The following WNT3A variants were observed in gnomAD, a reference collection of about 807,000 sequenced individuals.
WNT3A encodes the protein Wnt family member 3A, also known as protein Wnt-3a.
A neutral mutation model predicts 37.0 loss-of-function variants in WNT3A; 17 were observed. That is an observed-to-expected ratio of 0.46 (90% CI 0.31 to 0.69). WNT3A has a LOEUF of 0.69. WNT3A is among the 30% of genes least tolerant of loss of function. The pLI, the probability that WNT3A is intolerant of heterozygous loss-of-function variation, is 0.05. For missense variants in WNT3A, 411 were observed against 510.2 expected (o/e 0.81, Z 1.87); for synonymous variants, 187 against 211.0 (o/e 0.89, Z 0.99).
At chr1:228,054,399 CGGATCGT>C (rs2031622391) in intron 3 of WNT3A, among the ~76,000 whole-genome samples, 1 of 150,388 alleles carries the variant, frequency 6.6e-6, no homozygotes, top group African/African-American at 2.4e-5. Flanking sequence ...CCGAGGTGGG[CGGATCGT>C]GAGGTCAGGA....
chr1:228,059,707 G>A lies in WNT3A; in HGVS notation c.*242G>A. ...TGAATGAGGCGGAGCTCCAGGATGG[G>A]GAGGGGCTCTGCGTTGGCTTCTCCC... On this transcript the variant is annotated 3_prime_UTR_variant, in exon 4 of 4. Transcript: ENST00000284523. 3.0e-6 allele frequency: 4 copies of A among 1,335,274 alleles called. No individual in the cohort carries two copies. Among genetic ancestry groups the A allele is most frequent in the Non-Finnish European group, 3.8e-6 (4 of 1,049,740 alleles). 82.7% of individuals were successfully genotyped at this position (1,335,274 alleles called of 1,614,324 possible). A position where few individuals can be genotyped will look rare whatever the true frequency, so the allele number is the denominator to read the frequency against.
intron 2 of WNT3A, among the ~76,000 whole-genome samples, chr1:228,041,513 A>G (rs2031283712): frequency 6.6e-6 from 1 of 150,862 alleles, no homozygotes; most frequent in Admixed American, 6.6e-5. Context: ...CCATCTATCC[A>G]TCAATTCATC....
At chr1:228,012,438 A>ATTCTG (rs2030400901) in intron 1 of WNT3A, among the ~76,000 whole-genome samples, 1 of 152,206 alleles carries the variant, frequency 6.6e-6, no homozygotes, top group African/African-American at 2.4e-5. Flanking sequence ...TTTTGTAATA[A>ATTCTG]TGGAAATTTA....
Position 228,008,256 on chromosome 1 carries a change from T to C in WNT3A, c.71+1057T>C, listed in dbSNP as rs2102758379. 6.6e-6 allele frequency among the ~76,000 whole-genome samples: 1 copy of C among 151,690 alleles called. No homozygotes were observed. Among genetic ancestry groups the C allele is most frequent in the South Asian group, 2.1e-4 (1 of 4,802 alleles). ...TAGGACCCACAGTTGGAGAGAAGCC[T>C]CCCCACAAGCATGCACACTCCCCCC... On this transcript the variant is annotated intron_variant, in intron 1 of 3. Transcript: ENST00000284523. The surrounding 1 kb of genome is among the most constrained non-coding windows in gnomAD (Gnocchi z 4.9).
chr1:228,015,977 G>A (rs941309683), intron 1 of WNT3A, among the ~76,000 whole-genome samples: 1 of 152,120 alleles, frequency 6.6e-6, no homozygotes, highest in African/African-American at 2.4e-5. Flanking sequence ...GAGCAGGCAG[G>A]AGCCACGGAC....
chr1:228,026,322 A>G (rs1455134305), intron 2 of WNT3A, among the ~76,000 whole-genome samples: 4 of 152,100 alleles, frequency 2.6e-5, no homozygotes, highest in Admixed American at 2.6e-4. Context: ...TGCTCTGGCT[A>G]GGACTTCCAG....
chr1:228,050,359 C>G lies in WNT3A; in HGVS notation c.314-297C>G, dbSNP rs907174751. Among the ~76,000 whole-genome samples, 2 of 152,156 alleles carry G rather than the reference C, an allele frequency of 1.3e-5. No homozygotes were observed. The highest frequency in any genetic ancestry group is 2.9e-5 in the Non-Finnish European group (2 of 68,024). ...TTGTTAAAAAGAGCCTGGTACCAAC[C>G]TCCCCTCTCTCACTTCTGTCACCAT... On this transcript the variant is annotated intron_variant, in intron 2 of 3. Coordinates refer to ENST00000284523, the MANE Select transcript of WNT3A (RefSeq NM_033131.4). This position sits in a 1 kb window ranked among gnomAD's most constrained non-coding sequence, Gnocchi z 5.0.
intron 1 of WNT3A, among the ~76,000 whole-genome samples, chr1:228,013,770 G>A (rs924566650): frequency 4.6e-5 from 7 of 152,200 alleles, no homozygotes. Flanking sequence ...GGGTGCCCTC[G>A]GGCAGTCTCA....
At chr1:228,047,801 GA>G (rs1210418593) in intron 2 of WNT3A, among the ~76,000 whole-genome samples, 1 of 152,106 alleles carries the variant, frequency 6.6e-6, no homozygotes, top group Non-Finnish European at 1.5e-5. Flanking sequence ...GCGGGATAAA[GA>G]GTGGGGGAAG....
At chr1:228,033,254 C>G (rs1476953598) in intron 2 of WNT3A, among the ~76,000 whole-genome samples, 2 of 152,066 alleles carry the variant, frequency 1.3e-5, no homozygotes, top group African/African-American at 2.4e-5. Flanking sequence ...ATTGCCTAAC[C>G]CAAGCTCACA....
intron 2 of WNT3A, among the ~76,000 whole-genome samples, chr1:228,049,197 G>A (rs184133183): frequency 9.2e-5 from 14 of 152,274 alleles, no homozygotes; most frequent in Admixed American, 2.6e-4. Context: ...TGCAAGTGTC[G>A]GTGCTTGGGG....
In WNT3A at chr1:228,036,939, C is replaced by T. The variant is rs185238739; in HGVS notation, c.314-13717C>T. Among the ~76,000 whole-genome samples the T allele has an allele frequency of 9.5e-4, 144 of 152,276 alleles. 2 individuals carry two copies. In the East Asian group the frequency reaches 0.015, roughly 16 times the overall value. On this transcript the variant is annotated intron_variant, in intron 2 of 3. Coordinates refer to ENST00000284523, the MANE Select transcript of WNT3A (RefSeq NM_033131.4). ...TAGAGAAGGGGACAGAGGCCAGGAG[C>T]GGGCGAGGCCTGGAGCCTAGGGATG...
chr1:228,034,886 C>A lies in WNT3A; in HGVS notation c.313+11978C>A, dbSNP rs112334169. Among the ~76,000 whole-genome samples the A allele has an allele frequency of 5.1e-3, 783 of 152,290 alleles. 4 individuals carry two copies. Among genetic ancestry groups the A allele is most frequent in the African/African-American group, 0.018 (735 of 41,548 alleles). On this transcript the variant is annotated intron_variant, in intron 2 of 3. Transcript: ENST00000284523. ...GAGAAACTCCCTAGGGTATGGCACA[C>A]TCCAGGAAGATCCAGGAGTCTCCTG...
rs141170201 is a variant in WNT3A at position 228,050,849 on chromosome 1, C to A, written c.507C>A (p.Phe169Leu). ...IEFGGMVSREFADARENRPDA... is the reference protein window; with the variant it reads ...IEFGGMVSRELADARENRPDA... Reference sequence around the variant, plus strand: ...TTGGTGGGATGGTGTCTCGGGAGTTCGCCGACGCCCGGGAGAACCGGCCAG... The same window carrying A: ...TTGGTGGGATGGTGTCTCGGGAGTTAGCCGACGCCCGGGAGAACCGGCCAG... Residue 169 changes from phenylalanine to leucine, a missense_variant, in exon 3 of 4, where the codon TTC (phenylalanine) becomes TTA (leucine). By Grantham distance (22) the Phe-to-Leu change is conservative (BLOSUM62 0). Transcript: ENST00000284523. This position sits in a 1 kb window ranked among gnomAD's most constrained non-coding sequence, Gnocchi z 5.0. The A allele has an allele frequency of 1.3e-6, 2 of 1,597,084 alleles. No homozygotes were observed. Among genetic ancestry groups the A allele is most frequent in the Admixed American group, 1.7e-5 (1 of 57,632 alleles).
intron 3 of WNT3A, among the ~76,000 whole-genome samples, chr1:228,055,173 AAAAAAAAT>A (rs1558296049): frequency 5.5e-5 from 4 of 72,346 alleles, no homozygotes; most frequent in African/African-American, 1.3e-4. Context: ...AAAAAAAAAA[AAAAAAAAT>A]ATATATATAT....
chr1:228,028,292 ATTTT>A (rs56294253), intron 2 of WNT3A, among the ~76,000 whole-genome samples: 282 of 120,186 alleles, frequency 2.3e-3, no homozygotes, highest in Middle Eastern at 4.6e-3. Context: ...GTTACATATA[ATTTT>A]TTTTTTTTTT....
intron 3 of WNT3A, among the ~76,000 whole-genome samples, chr1:228,054,450 CG>C (rs1277299385): frequency 6.6e-6 from 1 of 151,224 alleles, no homozygotes; most frequent in East Asian, 2.0e-4. Context: ...TGGTGAAACC[CG>C]GTCTCTACTA....
In WNT3A at chr1:228,037,188, G is replaced by A. The variant is rs2031164380; in HGVS notation, c.314-13468G>A. Among the ~76,000 whole-genome samples, 1 of 151,490 alleles carries A rather than the reference G, an allele frequency of 6.6e-6. No homozygotes were observed. The highest frequency in any genetic ancestry group is 2.4e-5 in the African/African-American group (1 of 41,168). On this transcript the variant is annotated intron_variant, in intron 2 of 3. Transcript: ENST00000284523. The surrounding 1 kb of genome is among the most constrained non-coding windows in gnomAD (Gnocchi z 4.1). ...CCCAGTGTGGGTGGGGCCTGCAGCA[G>A]TGGCCCTCCCACTCAGCCTTCACAC...
rs1469273604 is a variant in WNT3A, at chr1:228,014,349, C to T, written c.71+7150C>T. On this transcript the variant is annotated intron_variant, in intron 1 of 3. Transcript: ENST00000284523. ...CCGAGTTGGAGCCCATGCCCACCTT[C>T]CAGGCCTGTCCACACGCCTGCATGG... Among the ~76,000 whole-genome samples the T allele has an allele frequency of 2.0e-5, 3 of 152,218 alleles. No homozygotes were observed. The East Asian group carries it at 5.8e-4, about 29-fold the overall frequency.
Sources: allele counts gnomAD v4.1 joint callset (sites outside exome capture counted in the v4.1 genomes callset), GRCh38; gene constraint gnomAD v4.1.1; non-coding constraint Gnocchi (gnomAD v3.1); transcripts MANE v1.5; gene names NCBI Gene and HGNC (gene_info 2026-07-23, HGNC 2026-07-21).